The following PLA2G4D variants were observed in gnomAD, a reference collection of about 807,000 sequenced individuals.
PLA2G4D encodes the protein phospholipase A2 group IVD, also known as cytosolic phospholipase A2 delta.
PLA2G4D carries 80 observed loss-of-function variants against 94.4 expected under a neutral mutation model. That is an observed-to-expected ratio of 0.85 (90% CI 0.71 to 1.02). The LOEUF (loss-of-function observed/expected upper bound fraction) is 1.02, where lower values mean the gene tolerates loss of function less well. Ranked by LOEUF, PLA2G4D falls within the 50% of genes least tolerant of loss-of-function variation. The probability of loss-of-function intolerance (pLI) is 0.00; values close to 1 mark genes in which losing one functional copy is unlikely to be tolerated. For synonymous variants in PLA2G4D, 438 were observed against 440.9 expected (o/e 0.99, Z 0.08); for missense variants, 1,050 against 1,034.7 (o/e 1.01, Z -0.20).
At chr15:42,085,030 C>A in intron 6 of PLA2G4D, 66 bp downstream of exon 6, 1 of 1,560,174 alleles carries the variant, frequency 6.4e-7, no homozygotes, top group South Asian at 1.1e-5. Context: ...ACACCCCAGG[C>A]AGCTGCCCTC....
intron 1 of PLA2G4D, among the ~76,000 whole-genome samples, chr15:42,088,901 T>A (rs933889955): frequency 6.6e-6 from 1 of 152,018 alleles, no homozygotes; most frequent in Non-Finnish European, 1.5e-5. Context: ...ACCAAGCACA[T>A]GAAGGCCTAT....
chr15:42,070,017 G>A lies in PLA2G4D; in HGVS notation c.2122C>T (p.His708Tyr). 1 of 1,512,208 alleles carries A rather than the reference G, an allele frequency of 6.6e-7. No individual in the cohort carries two copies. Among genetic ancestry groups the A allele is most frequent in the Non-Finnish European group, 8.8e-7 (1 of 1,131,494 alleles). The allele number at this position is 1,512,208 out of a possible 1,614,324, so 93.7% of individuals were successfully genotyped here. A position where few individuals can be genotyped will look rare whatever the true frequency, so the allele number is the denominator to read the frequency against. Residue 708 changes from histidine to tyrosine, a missense_variant, in exon 19 of 20, where the codon CAC becomes TAC. Physicochemically the swap from His to Tyr is moderately conservative, Grantham distance 83. Transcript: ENST00000290472. ...AAGAGGTGGCATTCCCTTGGCTGGTGCTGGTCCTGAGGGCTGGGTTCCACC... is the reference window on the plus strand; with the variant it reads ...AAGAGGTGGCATTCCCTTGGCTGGTACTGGTCCTGAGGGCTGGGTTCCACC... ...PRVEPSPQDQHQPRECHLFSD... is the reference protein window; with the variant it reads ...PRVEPSPQDQYQPRECHLFSD...
chr15:42,086,621 T>C (rs756565049), intron 3 of PLA2G4D, among the ~76,000 whole-genome samples: 19 of 152,144 alleles, frequency 1.2e-4, no homozygotes, highest in Non-Finnish European at 1.9e-4. Flanking sequence ...GAGGCTGAGG[T>C]GGGTGGGTCA....
chr15:42,068,436 C>A lies in PLA2G4D; in HGVS notation c.*279G>T. On this transcript the variant is annotated 3_prime_UTR_variant, in exon 20 of 20. Coordinates refer to ENST00000290472, the MANE Select transcript of PLA2G4D (RefSeq NM_178034.4). The stretch of plus-strand genomic sequence containing the variant: ...CGGCTTGCACTTCAAATCTATCCTG[C>A]TCAGGCATGGAAGTAATTGTGGTGT... The A allele has an allele frequency of 2.2e-6, 1 of 452,684 alleles. No individual in the cohort carries two copies. Among genetic ancestry groups the A allele is most frequent in the Non-Finnish European group, 4.0e-6 (1 of 247,298 alleles). 28.0% of individuals were successfully genotyped at this position (452,684 alleles called of 1,614,324 possible).
rs1404937159 is a variant in PLA2G4D at position 42,081,854 on chromosome 15, C to G, written c.784-20G>C. 2.5e-6 allele frequency: 4 copies of G among 1,613,932 alleles called. No homozygotes were observed. Among genetic ancestry groups the G allele is most frequent in the Middle Eastern group, 3.3e-4 (2 of 6,062 alleles). ...TGGGGCCTGAAATCAAAGCCAGAGACTCTGCTCAGACCCTCCTAGACCCTA... is the reference window on the plus strand; with the variant it reads ...TGGGGCCTGAAATCAAAGCCAGAGAGTCTGCTCAGACCCTCCTAGACCCTA... On this transcript the variant is annotated intron_variant, in intron 9 of 19. Coordinates refer to ENST00000290472, the MANE Select transcript of PLA2G4D (RefSeq NM_178034.4).
chr15:42,069,855 G>T, intron 19 of PLA2G4D, 54 bp downstream of exon 19: 1 of 1,327,668 alleles, frequency 7.5e-7, no homozygotes, highest in Non-Finnish European at 9.8e-7. Flanking sequence ...GGGGGGCCCA[G>T]GGCAGGCCTC....
At chr15:42,076,890 G>A (rs1430299650) in intron 13 of PLA2G4D, among the ~76,000 whole-genome samples, 1 of 152,168 alleles carries the variant, frequency 6.6e-6, no homozygotes, top group Non-Finnish European at 1.5e-5. Flanking sequence ...TAATGCAGGT[G>A]TGCAAGGAGA....
At chr15:42,079,470 C>A in intron 13 of PLA2G4D, 67 bp downstream of exon 13, 1 of 1,480,700 alleles carries the variant, frequency 6.8e-7, no homozygotes, top group East Asian at 2.5e-5. Flanking sequence ...ATGTCAGCCG[C>A]TTGGGAGCCC....
chr15:42,086,173 G>T, intron 4 of PLA2G4D, 40 bp downstream of exon 4: 1 of 1,534,470 alleles, frequency 6.5e-7, no homozygotes, highest in Non-Finnish European at 8.8e-7. Flanking sequence ...GGAGTTGGAA[G>T]AAGTGGGGCC....
At chr15:42,091,873 C>T (rs549978486) in intron 1 of PLA2G4D, among the ~76,000 whole-genome samples, 1 of 152,216 alleles carries the variant, frequency 6.6e-6, no homozygotes, top group African/African-American at 2.4e-5. Context: ...GGCTACCAGG[C>T]AGGGAAGGGC....
chr15:42,076,003 G>T (rs914758184), intron 13 of PLA2G4D, among the ~76,000 whole-genome samples: 2 of 152,134 alleles, frequency 1.3e-5, no homozygotes, highest in Non-Finnish European at 2.9e-5. Flanking sequence ...AGAGAATTCT[G>T]AAGAACAATT....
chr15:42,070,329 G>GC, intron 18 of PLA2G4D: 1 of 528,860 alleles, frequency 1.9e-6, no homozygotes, highest in Non-Finnish European at 3.3e-6. Flanking sequence ...CCATCCCCCA[G>GC]CCCCCCAAAA....
chr15:42,088,817 G>C (rs1348240944), intron 1 of PLA2G4D, among the ~76,000 whole-genome samples: 1 of 152,132 alleles, frequency 6.6e-6, no homozygotes, highest in African/African-American at 2.4e-5. Flanking sequence ...GCCTGTGCCG[G>C]GGAGTGGGGC....
chr15:42,078,162 G>GT, intron 13 of PLA2G4D, among the ~76,000 whole-genome samples: 1 of 152,378 alleles, frequency 6.6e-6, no homozygotes, highest in Middle Eastern at 3.4e-3. Flanking sequence ...TCACAGAGCT[G>GT]TAACACTGTG....
intron 7 of PLA2G4D, 111 bp downstream of exon 7, chr15:42,083,605 A>T (rs1352563704): frequency 7.5e-7 from 1 of 1,337,928 alleles, no homozygotes; most frequent in Non-Finnish European, 1.1e-6. Context: ...GTGAGAAGAG[A>T]GAGGCAAGCT....
chr15:42,091,742 G>A (rs1401015934), intron 1 of PLA2G4D, among the ~76,000 whole-genome samples: 4 of 152,124 alleles, frequency 2.6e-5, no homozygotes, highest in African/African-American at 9.7e-5. Context: ...GTTCCATCCT[G>A]TACACCTGGC....
intron 1 of PLA2G4D, among the ~76,000 whole-genome samples, chr15:42,091,986 C>A (rs953382194): frequency 1.3e-5 from 2 of 152,202 alleles, no homozygotes; most frequent in African/African-American, 2.4e-5. Context: ...TAAACAACAG[C>A]ACAGCCAGAC....
In PLA2G4D at chr15:42,071,292, C is replaced by T. The variant is rs1430159709; in HGVS notation, c.1707G>A (p.Gly569=). 6.3e-7 allele frequency: 1 copy of T among 1,593,080 alleles called. No homozygotes were observed. The highest frequency in any genetic ancestry group is 1.1e-5 in the South Asian group (1 of 88,292). ...SLEKEPLTTS[G]TSSRLEASWL... Reference sequence around the variant, plus strand: ...ACGAGGCCTCCAGCCGCGAGGAGGTCCCCGAGGTGGTCAGGGGCTCCTTCT... The same window carrying T: ...ACGAGGCCTCCAGCCGCGAGGAGGTTCCCGAGGTGGTCAGGGGCTCCTTCT... The change falls in exon 17 of 20, where the codon GGG becomes GGA. Residue 569 remains glycine, a synonymous_variant. Transcript: ENST00000290472.
chr15:42,070,211 T>A lies in PLA2G4D; in HGVS notation c.2044-116A>T. ...GACAACAGCCTGGCTCTGTCCTGTT[T>A]GTGGTCGGGCCAAGCTGCAGAGTGA... On this transcript the variant is annotated intron_variant, in intron 18 of 19. Transcript: ENST00000290472. 2.8e-6 allele frequency: 3 copies of A among 1,088,638 alleles called. No homozygotes were observed. In the South Asian group the frequency reaches 5.5e-5, roughly 20 times the overall value. 67.4% of individuals were successfully genotyped at this position (1,088,638 alleles called of 1,614,324 possible).
Sources: gnomAD v4.1 joint callset for allele counts (sites outside exome capture counted in the v4.1 genomes callset) on GRCh38, gnomAD v4.1.1 for gene constraint, MANE v1.5 for transcripts, NCBI Gene and HGNC (gene_info 2026-07-23, HGNC 2026-07-21) for gene names.